The following JMY variants were observed in gnomAD, a reference collection of about 807,000 sequenced individuals.
The protein encoded by JMY is junction mediating and regulatory protein, p53 cofactor.
A neutral mutation model predicts 103.3 loss-of-function variants in JMY; 46 were observed. That is an observed-to-expected ratio of 0.45 (90% CI 0.35 to 0.57). The LOEUF (loss-of-function observed/expected upper bound fraction) is 0.57. Among genes scored for constraint, JMY ranks in the 20% least tolerant of loss-of-function variants. The probability of loss-of-function intolerance (pLI) is 0.00; values close to 1 mark genes in which losing one functional copy is unlikely to be tolerated. For synonymous variants in JMY, 526 were observed against 489.3 expected, an observed-to-expected ratio of 1.07 and a Z score of -0.99; for missense variants, 1,238 against 1,255.2, an observed-to-expected ratio of 0.99 and a Z score of 0.21.
chr5:79,255,003 C>T (rs1312267775), intron 1 of JMY, among the ~76,000 whole-genome samples: 1 of 151,752 alleles, frequency 6.6e-6, no homozygotes, highest in Non-Finnish European at 1.5e-5. Context: ...TTATTTCAAT[C>T]TCTTTATTAA....
In JMY at chr5:79,237,267, T is replaced by G. The variant is rs776829530; in HGVS notation, c.617T>G (p.Leu206Arg). The G allele has an allele frequency of 3.2e-5, 50 of 1,551,868 alleles. No homozygotes were observed. In the Middle Eastern group the frequency reaches 6.7e-4, roughly 21 times the overall value. The change falls in exon 1 of 11, where the codon CTG (leucine) becomes CGG (arginine). Residue 206 changes from leucine to arginine, a missense_variant. By Grantham distance (102) the Leu-to-Arg change is moderately radical. Transcript: ENST00000396137. ...ATGGTGAAGGAGGACGAGGCACCTC[T>G]GGCGCTCTCGGACGCGGAGCAGCCG... ...LEMVKEDEAPLALSDAEQPPP... is the reference protein window; with the variant it reads ...LEMVKEDEAPRALSDAEQPPP...
In JMY at chr5:79,271,169, A is replaced by G. The variant is rs373253697; in HGVS notation, c.1033-6741A>G. Among the ~76,000 whole-genome samples, 3 of 150,826 alleles carry G rather than the reference A, an allele frequency of 2.0e-5. No individual in the cohort carries two copies. The East Asian group carries it at 5.8e-4, about 29-fold the overall frequency. On this transcript the variant is annotated intron_variant, in intron 1 of 10. Transcript: ENST00000396137. ...CAGCCTTGACTTCACAGGGTCAAGC[A>G]AGTCTCCCACCACACCTGGCTATTT...
intron 7 of JMY, among the ~76,000 whole-genome samples, chr5:79,308,147 A>G (rs542011777): frequency 5.9e-5 from 9 of 152,116 alleles, no homozygotes; most frequent in Non-Finnish European, 1.2e-4. Context: ...TTGTTTTGCA[A>G]ATATTTTCTC....
At chr5:79,258,124 T>C (rs1471953461) in intron 1 of JMY, among the ~76,000 whole-genome samples, 1 of 152,112 alleles carries the variant, frequency 6.6e-6, no homozygotes, top group East Asian at 1.9e-4. Context: ...ATGAGAGGTA[T>C]GTATTTTCCC....
chr5:79,314,844 G>T lies in JMY; in HGVS notation c.2652G>T (p.Arg884Ser). The T allele has an allele frequency of 6.4e-7, 1 of 1,563,036 alleles. No individual in the cohort carries two copies. Among genetic ancestry groups the T allele is most frequent in the Non-Finnish European group, 8.7e-7 (1 of 1,155,838 alleles). The change falls in exon 9 of 11, where the codon AGG becomes AGT. Residue 884 changes from arginine (R) to serine (S), a missense_variant. By Grantham distance (110) the Arg-to-Ser change is moderately radical (BLOSUM62 -1). Transcript: ENST00000396137. ...GAAAGACTGCTGAAGGTTTGCAGAG[G>T]AGGAGAGGTACGTCAACATATTTTC... ...KLRKTAEGLQ[R>S]RRVSSPMDEV...
intron 1 of JMY, among the ~76,000 whole-genome samples, chr5:79,254,330 G>A (rs1010511999): frequency 1.3e-5 from 2 of 152,074 alleles, no homozygotes; most frequent in Non-Finnish European, 2.9e-5. Context: ...AGCATTTCTT[G>A]TAGAGCAGGT....
At chr5:79,274,127 C>A (rs1312867963) in intron 1 of JMY, among the ~76,000 whole-genome samples, 1 of 108,408 alleles carries the variant, frequency 9.2e-6, no homozygotes, top group Non-Finnish European at 2.3e-5. Flanking sequence ...CCACACCCAG[C>A]ACTTTCTTTT....
At chr5:79,319,962 A>T (rs985238838) in intron 10 of JMY, among the ~76,000 whole-genome samples, 1 of 152,200 alleles carries the variant, frequency 6.6e-6, no homozygotes, top group Non-Finnish European at 1.5e-5. Context: ...AAAGTAGGTA[A>T]TGAAGGTCCC....
intron 1 of JMY, among the ~76,000 whole-genome samples, chr5:79,238,733 C>T (rs1306972526): frequency 2.0e-5 from 3 of 150,374 alleles, no homozygotes; most frequent in Non-Finnish European, 4.4e-5. Flanking sequence ...CTGCAGCCTC[C>T]CCCTCCCGGG....
chr5:79,281,490 C>T (rs1161119605), intron 2 of JMY, among the ~76,000 whole-genome samples: 1 of 150,698 alleles, frequency 6.6e-6, no homozygotes, highest in African/African-American at 2.4e-5. Flanking sequence ...TTTTCAGCTC[C>T]AATATAATTT....
chr5:79,245,173 A>G (rs1744852029), intron 1 of JMY, among the ~76,000 whole-genome samples: 1 of 152,212 alleles, frequency 6.6e-6, no homozygotes, highest in Non-Finnish European at 1.5e-5. Context: ...TTTTAAGGAT[A>G]AATGTATGAA....
intron 10 of JMY, among the ~76,000 whole-genome samples, chr5:79,320,091 G>C (rs1747400012): frequency 1.3e-5 from 2 of 152,102 alleles, no homozygotes; most frequent in South Asian, 4.1e-4. Flanking sequence ...ATAAGTTTCA[G>C]GCTGAGTGTG....
intron 1 of JMY, among the ~76,000 whole-genome samples, chr5:79,274,944 A>G (rs1221566205): frequency 6.6e-6 from 1 of 152,120 alleles, no homozygotes; most frequent in African/African-American, 2.4e-5. Flanking sequence ...GTTTTGTTTT[A>G]TCTGGATTGT....
chr5:79,258,226 AT>A (rs1244490398), intron 1 of JMY, among the ~76,000 whole-genome samples: 4 of 151,772 alleles, frequency 2.6e-5, no homozygotes, highest in Non-Finnish European at 5.9e-5. Flanking sequence ...TTTCTACAAT[AT>A]TTATCTTTGA....
At chr5:79,318,805 G>T (rs1216104117) in intron 10 of JMY, among the ~76,000 whole-genome samples, 1 of 82,644 alleles carries the variant, frequency 1.2e-5, no homozygotes, top group Non-Finnish European at 2.3e-5. Flanking sequence ...GAGAGAGAGG[G>T]ATGCATATCA....
intron 2 of JMY, chr5:79,284,283 A>G: frequency 6.8e-7 from 1 of 1,474,006 alleles, no homozygotes; most frequent in East Asian, 2.3e-5. Context: ...CAGCATTTTT[A>G]CTTTTCTAAC....
chr5:79,288,235 AT>A (rs1197761861), intron 2 of JMY, among the ~76,000 whole-genome samples: 1 of 152,006 alleles, frequency 6.6e-6, no homozygotes, highest in Admixed American at 6.6e-5. Context: ...CATTACTTTC[AT>A]TTTTCTCTCC....
chr5:79,237,145 T>C lies in JMY; in HGVS notation c.495T>C (p.Ala165=). The C allele has an allele frequency of 6.5e-7, 1 of 1,547,582 alleles. No homozygotes were observed. The highest frequency in any genetic ancestry group is 1.2e-5 in the South Asian group (1 of 83,904). Residue 165 remains alanine (A), a synonymous_variant, in exon 1 of 11, where the codon GCT becomes GCC. Coordinates refer to ENST00000396137, the MANE Select transcript of JMY (RefSeq NM_152405.5). The stretch of plus-strand genomic sequence containing the variant: ...CCGACGATGCGGCGGGGGCAGCCGC[T>C]GCAGCAGCCCGGCCGGCGCCCAGAG... ...SEADDAAGAA[A]AAARPAPREA...
Position 79,297,103 on chromosome 5 carries a change from A to G in JMY, c.1528-3050A>G, listed in dbSNP as rs544128335. The stretch of plus-strand genomic sequence containing the variant: ...CCTAATTTTTTCTAGTGGAAAGAGC[A>G]CTCTTGTAGGAATCAGGAGAACTGA... On this transcript the variant is annotated intron_variant, in intron 4 of 10. Transcript: ENST00000396137. Among the ~76,000 whole-genome samples, 57 of 152,150 alleles carry G rather than the reference A, an allele frequency of 3.7e-4. 1 individual carries two copies. Among genetic ancestry groups the G allele is most frequent in the African/African-American group, 1.3e-3 (54 of 41,522 alleles).
Sources: allele counts gnomAD v4.1 joint callset (sites outside exome capture counted in the v4.1 genomes callset), GRCh38; gene constraint gnomAD v4.1.1; transcripts MANE v1.5; gene names NCBI Gene and HGNC (gene_info 2026-07-23, HGNC 2026-07-21).